KCNJ15: variants seen among roughly 807,000 people sequenced by gnomAD.
KCNJ15 encodes ATP-sensitive inward rectifier potassium channel 15.
In KCNJ15, 14 loss-of-function variants were observed where a neutral mutation model predicts 23.0. The observed-to-expected ratio is 0.61, with a 90% CI of 0.40 to 0.95. The LOEUF (loss-of-function observed/expected upper bound fraction) is 0.95, where lower values mean the gene tolerates loss of function less well. Among genes scored for constraint, KCNJ15 ranks in the 40% least tolerant of loss-of-function variants. The probability of loss-of-function intolerance (pLI) is 0.00; values close to 1 mark genes in which losing one functional copy is unlikely to be tolerated. For missense variants in KCNJ15, 388 were observed against 461.8 expected (o/e 0.84, Z 1.46); for synonymous variants, 185 against 183.2 (o/e 1.01, Z -0.08).
chr21:38,296,217 AGATT>A (rs1033090338), intron 1 of KCNJ15, among the ~76,000 whole-genome samples: 3 of 151,854 alleles, frequency 2.0e-5, no homozygotes, highest in African/African-American at 7.3e-5. Context: ...GATAGATAAT[AGATT>A]GATTGGTGAT....
chr21:38,236,092 A>G (rs1290382830), intron 1 of KCNJ15, among the ~76,000 whole-genome samples: 1 of 152,106 alleles, frequency 6.6e-6, no homozygotes, highest in Admixed American at 6.6e-5. Context: ...TTTCATCCCA[A>G]TGCTTATATG....
rs1601120381 is a variant in KCNJ15, at chr21:38,238,004, C to G, written c.-398-19042C>G. On this transcript the variant is annotated intron_variant, in intron 1 of 4. Coordinates refer to the KCNJ15 transcript ENST00000547341. ...CGATAGAAAGCAAAACAGCCTAATT[C>G]TGTCCTCTAGGCTGGAGACTGTAAT... 3 of 206,460 alleles carry G rather than the reference C, an allele frequency of 1.5e-5. No individual in the cohort carries two copies. In the East Asian group the frequency reaches 4.0e-4, roughly 27 times the overall value. 12.8% of individuals were successfully genotyped at this position (206,460 alleles called of 1,614,324 possible).
At chr21:38,244,557 T>G (rs1979236819) in intron 1 of KCNJ15, among the ~76,000 whole-genome samples, 1 of 152,190 alleles carries the variant, frequency 6.6e-6, no homozygotes, top group East Asian at 1.9e-4. Context: ...CTGGAGTGGG[T>G]TTATCTCTGG....
Position 38,298,699 on chromosome 21 carries a change from G to T in KCNJ15, c.-18-545G>T, listed in dbSNP as rs1477169721. 6.6e-5 allele frequency among the ~76,000 whole-genome samples: 10 copies of T among 152,282 alleles called. No individual in the cohort carries two copies. In the South Asian group the frequency reaches 1.2e-3, roughly 19 times the overall value. On this transcript the variant is annotated intron_variant, in intron 2 of 2. Coordinates refer to ENST00000398938, the MANE Select transcript of KCNJ15 (RefSeq NM_170736.3). ...TGTATACTAACATTCTCCATATCAA[G>T]AACTGTTTCATGGATGGTAGATTTT...
intron 1 of KCNJ15, among the ~76,000 whole-genome samples, chr21:38,280,712 GT>G (rs533475318): frequency 2.5e-3 from 375 of 152,148 alleles, no homozygotes; most frequent in Non-Finnish European, 3.6e-3. Context: ...TATAAGCTGT[GT>G]TTTTTTAAAG....
chr21:38,293,872 G>A (rs1449773324), intron 1 of KCNJ15, among the ~76,000 whole-genome samples: 1 of 152,252 alleles, frequency 6.6e-6, no homozygotes, highest in Non-Finnish European at 1.5e-5. Flanking sequence ...ACTTGGCAAA[G>A]CTATCTGTGC....
intron 1 of KCNJ15, among the ~76,000 whole-genome samples, chr21:38,280,363 G>C (rs1983190354): frequency 6.6e-6 from 1 of 152,194 alleles, no homozygotes; most frequent in African/African-American, 2.4e-5. Context: ...GAATTGTTGA[G>C]CAGACCTTGT....
intron 1 of KCNJ15, among the ~76,000 whole-genome samples, chr21:38,233,644 A>G (rs1035798943): frequency 3.9e-5 from 6 of 152,068 alleles, no homozygotes; most frequent in Non-Finnish European, 5.9e-5. Flanking sequence ...GAAAAAAGAG[A>G]GAAGACTCAA....
chr21:38,249,996 C>T (rs1384592282), intron 1 of KCNJ15, among the ~76,000 whole-genome samples: 1 of 152,202 alleles, frequency 6.6e-6, no homozygotes, highest in Admixed American at 6.5e-5. Context: ...GAGTTCACAA[C>T]ACCCTCTTTC....
At chr21:38,276,059 G>A (rs1289796597) in intron 1 of KCNJ15, among the ~76,000 whole-genome samples, 2 of 152,104 alleles carry the variant, frequency 1.3e-5, no homozygotes, top group African/African-American at 4.8e-5. Flanking sequence ...CAGCTCACTG[G>A]TTACACATGA....
rs756385291 is a variant in KCNJ15 at position 38,284,904 on chromosome 21, ATG to A, written c.-116-12020_-116-12019del. 3.9e-5 allele frequency among the ~76,000 whole-genome samples: 6 copies of A among 152,242 alleles called. No individual in the cohort carries two copies. In the East Asian group the frequency reaches 7.7e-4, roughly 20 times the overall value. On this transcript the variant is annotated intron_variant, in intron 1 of 2. Coordinates refer to ENST00000398938, the MANE Select transcript of KCNJ15 (RefSeq NM_170736.3). ...ACTTTCTCCCCAGTTCTTCCCACAA[ATG>A]TCTTTAAATCACTCATCTAATGATG...
intron 1 of KCNJ15, among the ~76,000 whole-genome samples, chr21:38,278,558 C>T (rs1982979525): frequency 1.3e-5 from 2 of 152,052 alleles, no homozygotes; most frequent in South Asian, 4.1e-4. Flanking sequence ...ATCTCTAGTA[C>T]ACTGAGATAA....
intron 1 of KCNJ15, among the ~76,000 whole-genome samples, chr21:38,247,061 G>GATGGATGC (rs1979428618): frequency 9.3e-6 from 1 of 107,694 alleles, no homozygotes; most frequent in Non-Finnish European, 1.9e-5. Context: ...TGGGTGAATG[G>GATGGATGC]ATGGATGGAT....
chr21:38,293,089 T>C (rs1482317405), intron 1 of KCNJ15, among the ~76,000 whole-genome samples: 1 of 152,180 alleles, frequency 6.6e-6, no homozygotes, highest in Admixed American at 6.5e-5. Context: ...AAAATGTCTC[T>C]GTGGTCAGGT....
intron 1 of KCNJ15, chr21:38,272,294 C>T (rs936974271): frequency 4.6e-5 from 7 of 152,350 alleles, no homozygotes; most frequent in African/African-American, 9.6e-5. Flanking sequence ...CAGAAGCCCT[C>T]GTGGCTCAAG....
intron 1 of KCNJ15, among the ~76,000 whole-genome samples, chr21:38,246,292 T>G (rs1979370200): frequency 6.6e-6 from 1 of 152,208 alleles, no homozygotes. Context: ...AGTCTTGATT[T>G]TTCTTAAAGC....
At chr21:38,283,484 A>G (rs1309061381) in intron 1 of KCNJ15, among the ~76,000 whole-genome samples, 1 of 152,196 alleles carries the variant, frequency 6.6e-6, no homozygotes, top group African/African-American at 2.4e-5. Context: ...TTTTTTCATG[A>G]TTTTTAAACA....
intron 1 of KCNJ15, among the ~76,000 whole-genome samples, chr21:38,286,237 C>T (rs1339377690): frequency 2.6e-5 from 4 of 151,996 alleles, no homozygotes; most frequent in Non-Finnish European, 5.9e-5. Context: ...AGCGAGACTC[C>T]GTCTCAAACA....
In KCNJ15 at chr21:38,273,982, T is replaced by C. The variant is rs920583598; in HGVS notation, c.-117+16797T>C. 3.3e-5 allele frequency among the ~76,000 whole-genome samples: 5 copies of C among 152,252 alleles called. No homozygotes were observed. In the East Asian group the frequency reaches 7.7e-4, roughly 23 times the overall value. ...TTACTGTATGGATTCCACGAGTTGA[T>C]GAGCGTGCTGTGACCTTGAGCATTT... On this transcript the variant is annotated intron_variant, in intron 1 of 2. Coordinates refer to ENST00000398938, the MANE Select transcript of KCNJ15 (RefSeq NM_170736.3).
Sources: gnomAD v4.1 joint callset for allele counts (sites outside exome capture counted in the v4.1 genomes callset) on GRCh38, gnomAD v4.1.1 for gene constraint, MANE v1.5 for transcripts, NCBI Gene and HGNC (gene_info 2026-07-23, HGNC 2026-07-21) for gene names.